NEGR1: variants seen among roughly 807,000 people sequenced by gnomAD.
NEGR1 encodes IgLON family member 4.
In NEGR1, 10 loss-of-function variants were observed where a neutral mutation model predicts 40.9. That is an observed-to-expected ratio of 0.24 (90% CI 0.15 to 0.42). The LOEUF is 0.42. Among genes scored for constraint, NEGR1 ranks in the 10% least tolerant of loss-of-function variants. The pLI, the probability that NEGR1 is intolerant of heterozygous loss-of-function variation, is 1.00. For synonymous variants in NEGR1, 185 were observed against 166.8 expected (o/e 1.11, Z -0.84); for missense variants, 352 against 438.9 (o/e 0.80, Z 1.77).
intron 4 of NEGR1, among the ~76,000 whole-genome samples, chr1:71,666,218 T>C (rs1204214170): frequency 6.6e-6 from 1 of 152,322 alleles, no homozygotes; most frequent in Non-Finnish European, 1.5e-5. Context: ...AGTTCTATTT[T>C]TTTTACAATT....
chr1:72,116,439 T>TA (rs1473864771), intron 1 of NEGR1, among the ~76,000 whole-genome samples: 4 of 151,752 alleles, frequency 2.6e-5, no homozygotes, highest in African/African-American at 7.2e-5. Context: ...TCTGCAAACT[T>TA]ACATTTAGCA....
At chr1:72,096,978 A>G (rs1297599894) in intron 1 of NEGR1, among the ~76,000 whole-genome samples, 1 of 152,030 alleles carries the variant, frequency 6.6e-6, no homozygotes, top group Non-Finnish European at 1.5e-5. Context: ...CACCGCACCC[A>G]GCTGTAGTTA....
At chr1:71,495,451 T>C (rs7545353) in intron 6 of NEGR1, among the ~76,000 whole-genome samples, 6,710 of 146,398 alleles carry the variant, frequency 0.046, 204 homozygotes, top group South Asian at 0.091. Flanking sequence ...CACTCCAGCC[T>C]GGGCAATAGA....
chr1:71,407,825 G>C, intron 6 of NEGR1: 1 of 392,914 alleles, frequency 2.5e-6, no homozygotes. Context: ...GGTGAGAATT[G>C]GAGATGAAGC....
At chr1:71,864,863 G>A (rs1445003519) in intron 2 of NEGR1, among the ~76,000 whole-genome samples, 1 of 152,058 alleles carries the variant, frequency 6.6e-6, no homozygotes, top group Non-Finnish European at 1.5e-5. Flanking sequence ...AGATGCACAT[G>A]GCTTTATACA....
intron 2 of NEGR1, among the ~76,000 whole-genome samples, chr1:71,785,903 G>A (rs111450106): frequency 0.01 from 1,592 of 152,218 alleles, 22 homozygotes; most frequent in Non-Finnish European, 0.017. Context: ...TCCTTGTTAG[G>A]CTCAGGTTTC....
intron 2 of NEGR1, among the ~76,000 whole-genome samples, chr1:71,833,162 A>G (rs1479307100): frequency 6.6e-6 from 1 of 152,092 alleles, no homozygotes; most frequent in African/African-American, 2.4e-5. Context: ...ATAAAATAAA[A>G]TTGCTACTTT....
chr1:71,914,617 T>TA (rs1455208244), intron 2 of NEGR1, among the ~76,000 whole-genome samples: 1 of 152,200 alleles, frequency 6.6e-6, no homozygotes, highest in Non-Finnish European at 1.5e-5. Context: ...GGTGTTGGTT[T>TA]AGTCATCTCA....
intron 2 of NEGR1, among the ~76,000 whole-genome samples, chr1:71,898,539 C>T (rs1252034179): frequency 6.6e-6 from 1 of 152,046 alleles, no homozygotes; most frequent in Admixed American, 6.6e-5. Context: ...GGCGTGAACC[C>T]GGGAGCCAGA....
At chr1:72,041,824 A>G (rs1392366035) in intron 1 of NEGR1, among the ~76,000 whole-genome samples, 3 of 146,584 alleles carry the variant, frequency 2.0e-5, no homozygotes, top group African/African-American at 7.4e-5. Flanking sequence ...TTTAAAATAT[A>G]CATTATATAT....
At chr1:71,705,853 A>T (rs1398551791) in intron 3 of NEGR1, among the ~76,000 whole-genome samples, 1 of 151,692 alleles carries the variant, frequency 6.6e-6, no homozygotes, top group African/African-American at 2.4e-5. Context: ...AGAAGGAAGG[A>T]AGAGAGGAAG....
intron 6 of NEGR1, among the ~76,000 whole-genome samples, chr1:71,559,002 A>G (rs1269122277): frequency 3.9e-5 from 4 of 103,896 alleles, no homozygotes; most frequent in Admixed American, 1.2e-4. Context: ...TTATTTATTT[A>G]TCTTCTCTGT....
At chr1:71,957,447 A>G (rs1169178099) in intron 1 of NEGR1, among the ~76,000 whole-genome samples, 1 of 152,116 alleles carries the variant, frequency 6.6e-6, no homozygotes, top group Non-Finnish European at 1.5e-5. Flanking sequence ...GAACCAATTG[A>G]TATATACTTG....
chr1:71,987,278 A>G (rs979444879), intron 1 of NEGR1, among the ~76,000 whole-genome samples: 24 of 152,336 alleles, frequency 1.6e-4, no homozygotes, highest in African/African-American at 5.5e-4. Context: ...AAGTAGTGAA[A>G]GAAGTACTCG....
intron 1 of NEGR1, among the ~76,000 whole-genome samples, chr1:71,999,656 TATATATATATATATATATATATAC>T (rs1245411704): frequency 2.5e-4 from 13 of 51,198 alleles, no homozygotes; most frequent in East Asian, 8.6e-4. Context: ...TATATATATA[TATATATATATATATATATATATAC>T]ATACATATTT....
chr1:71,452,994 A>G (rs1349843412), intron 6 of NEGR1, among the ~76,000 whole-genome samples: 2 of 152,184 alleles, frequency 1.3e-5, no homozygotes, highest in African/African-American at 4.8e-5. Flanking sequence ...TTTTATTTCT[A>G]TGACCAAAAG....
chr1:71,773,914 T>G (rs1372074582), intron 3 of NEGR1, among the ~76,000 whole-genome samples: 1 of 152,210 alleles, frequency 6.6e-6, no homozygotes, highest in East Asian at 1.9e-4. Context: ...AAAAGAAGAA[T>G]GTGCATAATA....
intron 6 of NEGR1, among the ~76,000 whole-genome samples, 183 bp downstream of exon 6, chr1:71,592,634 C>T (rs142320148): frequency 7.5e-4 from 114 of 152,264 alleles, no homozygotes; most frequent in African/African-American, 2.6e-3. Context: ...ATTATAAAAT[C>T]CTTGGACAAC....
At chr1:72,015,545 C>A (rs979045947) in intron 1 of NEGR1, among the ~76,000 whole-genome samples, 1 of 152,108 alleles carries the variant, frequency 6.6e-6, no homozygotes, top group Non-Finnish European at 1.5e-5. Context: ...TGGCTAAGAC[C>A]TATAATCCCA....
Sources: gnomAD v4.1 joint callset for allele counts (sites outside exome capture counted in the v4.1 genomes callset) on GRCh38, gnomAD v4.1.1 for gene constraint, MANE v1.5 for transcripts, NCBI Gene and HGNC (gene_info 2026-07-23, HGNC 2026-07-21) for gene names.